The following PRUNE2 variants were observed in gnomAD, a reference collection of about 807,000 sequenced individuals.
PRUNE2 encodes prune homolog 2 with BCH domain.
A neutral mutation model predicts 252.0 loss-of-function variants in PRUNE2; 164 were observed. The ratio of observed to expected loss-of-function variants is 0.65; its 90% CI spans 0.57 to 0.74. The LOEUF is 0.74. PRUNE2 is among the 30% of genes least tolerant of loss of function. PRUNE2 has a pLI of 0.00. For missense variants in PRUNE2, 3,495 were observed against 3,711.0 expected, an observed-to-expected ratio of 0.94 and a Z score of 1.51; for synonymous variants, 1,292 against 1,350.2, an observed-to-expected ratio of 0.96 and a Z score of 0.94.
At chr9:76,797,098 G>T (rs770991772) in intron 6 of PRUNE2, among the ~76,000 whole-genome samples, 1 of 151,770 alleles carries the variant, frequency 6.6e-6, no homozygotes, top group Non-Finnish European at 1.5e-5. Context: ...GGAGAAAAAA[G>T]GGTTTACTTT....
chr9:76,729,143 A>C lies in PRUNE2; in HGVS notation c.757-15422T>G, dbSNP rs79529685. 5.9e-5 allele frequency among the ~76,000 whole-genome samples: 9 copies of C among 152,320 alleles called. No homozygotes were observed. The East Asian group carries it at 1.7e-3, about 29-fold the overall frequency. ...TAAAAGAACTCTCAGGTTTGGAGAA[A>C]GTGTGGGACAAATGAACCAGAGAGT... On this transcript the variant is annotated intron_variant, in intron 6 of 18. Coordinates refer to ENST00000376718, the MANE Select transcript of PRUNE2 (RefSeq NM_015225.3).
chr9:76,900,826 C>A (rs56125431), intron 1 of PRUNE2, among the ~76,000 whole-genome samples: 3 of 152,070 alleles, frequency 2.0e-5, no homozygotes, highest in Non-Finnish European at 4.4e-5. Context: ...CCCTCTACCC[C>A]CTCCCTGGAG....
intron 7 of PRUNE2, among the ~76,000 whole-genome samples, chr9:76,712,017 G>A (rs930173315): frequency 1.3e-5 from 2 of 152,124 alleles, no homozygotes; most frequent in African/African-American, 4.8e-5. Context: ...GATTTTTAAG[G>A]AATGTCAGGA....
intron 1 of PRUNE2, among the ~76,000 whole-genome samples, chr9:76,885,432 C>A (rs1204025426): frequency 1.3e-5 from 2 of 151,890 alleles, no homozygotes; most frequent in East Asian, 3.9e-4. Context: ...AAAATTGGGG[C>A]TCAAGATCTC....
intron 1 of PRUNE2, among the ~76,000 whole-genome samples, chr9:76,888,525 C>T (rs1016244486): frequency 1.4e-4 from 21 of 151,460 alleles, no homozygotes; most frequent in African/African-American, 4.9e-4. Context: ...TGCAGTGAGC[C>T]GAGGTCGCAC....
At chr9:76,621,856 A>G (rs968506866) in intron 17 of PRUNE2, among the ~76,000 whole-genome samples, 1 of 151,766 alleles carries the variant, frequency 6.6e-6, no homozygotes, top group African/African-American at 2.4e-5. Flanking sequence ...TAATTAAAAA[A>G]ATTTTTTTTT....
intron 1 of PRUNE2, among the ~76,000 whole-genome samples, chr9:76,881,348 C>T (rs1213112888): frequency 6.6e-6 from 1 of 152,064 alleles, no homozygotes; most frequent in Non-Finnish European, 1.5e-5. Context: ...ATAAAAATGC[C>T]ATGCATGGGG....
chr9:76,626,075 A>AT (rs1438334982), intron 16 of PRUNE2, among the ~76,000 whole-genome samples: 2 of 152,248 alleles, frequency 1.3e-5, no homozygotes, highest in Non-Finnish European at 2.9e-5. Context: ...AGAAACACAC[A>AT]TAAAAAAAGG....
chr9:76,776,315 A>T (rs1348203509), intron 6 of PRUNE2, among the ~76,000 whole-genome samples: 1 of 151,640 alleles, frequency 6.6e-6, no homozygotes, highest in East Asian at 1.9e-4. Flanking sequence ...GGACTCTCCG[A>T]TGTTATTATT....
intron 3 of PRUNE2, among the ~76,000 whole-genome samples, chr9:76,847,658 A>G (rs531779190): frequency 3.9e-4 from 59 of 152,366 alleles, no homozygotes; most frequent in African/African-American, 1.4e-3. Flanking sequence ...TTCATACATG[A>G]GACAGAGCTG....
intron 4 of PRUNE2, among the ~76,000 whole-genome samples, chr9:76,827,761 T>C (rs2058429951): frequency 5.9e-5 from 9 of 152,170 alleles, no homozygotes; most frequent in Admixed American, 5.9e-4. Flanking sequence ...ACATTTACCA[T>C]CAAACATGCT....
At chr9:76,867,212 GCCC>G (rs2060899784) in intron 1 of PRUNE2, among the ~76,000 whole-genome samples, 1 of 29,304 alleles carries the variant, frequency 3.4e-5, no homozygotes, top group Admixed American at 3.6e-4. Context: ...CCCCGCCCCC[GCCC>G]CCGCCAGCAG....
intron 9 of PRUNE2, among the ~76,000 whole-genome samples, chr9:76,677,243 C>T (rs1356531261): frequency 6.6e-6 from 1 of 152,000 alleles, no homozygotes; most frequent in Non-Finnish European, 1.5e-5. Flanking sequence ...GTTAGATTTA[C>T]TTTTCTTTTT....
chr9:76,676,314 A>G (rs933210293), intron 9 of PRUNE2, among the ~76,000 whole-genome samples: 15 of 150,456 alleles, frequency 1.0e-4, no homozygotes, highest in African/African-American at 2.9e-4. Context: ...CTAAATGCCT[A>G]TCAGTAAGGG....
chr9:76,631,225 C>G (rs1837503187), intron 15 of PRUNE2, among the ~76,000 whole-genome samples: 1 of 152,178 alleles, frequency 6.6e-6, no homozygotes, highest in Non-Finnish European at 1.5e-5. Flanking sequence ...GAGTGGGTGA[C>G]TGAGAGGGAA....
intron 11 of PRUNE2, among the ~76,000 whole-genome samples, chr9:76,651,339 G>C (rs1349457331): frequency 2.6e-5 from 4 of 152,172 alleles, no homozygotes; most frequent in Non-Finnish European, 5.9e-5. Context: ...GCTCATGTCG[G>C]CTCAATGACC....
chr9:76,876,218 T>C (rs2061468678), intron 1 of PRUNE2, among the ~76,000 whole-genome samples: 1 of 152,182 alleles, frequency 6.6e-6, no homozygotes, highest in Non-Finnish European at 1.5e-5. Flanking sequence ...AAATACACAA[T>C]GAATAAGCAG....
At chr9:76,867,184 C>G (rs542135927) in intron 1 of PRUNE2, among the ~76,000 whole-genome samples, 146 of 151,992 alleles carry the variant, frequency 9.6e-4, no homozygotes, top group Non-Finnish European at 1.7e-3. Flanking sequence ...TCTGTCCTCT[C>G]CCACAACACC....
At chr9:76,898,914 T>C (rs1378905850) in intron 1 of PRUNE2, among the ~76,000 whole-genome samples, 2 of 152,184 alleles carry the variant, frequency 1.3e-5, no homozygotes, top group African/African-American at 4.8e-5. Flanking sequence ...AAGACCATGA[T>C]CACGCTCCAC....
Sources: allele counts gnomAD v4.1 joint callset (sites outside exome capture counted in the v4.1 genomes callset), GRCh38; gene constraint gnomAD v4.1.1; transcripts MANE v1.5; gene names NCBI Gene and HGNC (gene_info 2026-07-23, HGNC 2026-07-21).